JHY: variants seen among roughly 807,000 people sequenced by gnomAD.
JHY encodes the protein junctional cadherin complex regulator, also known as jhy protein homolog.
A neutral mutation model predicts 78.0 loss-of-function variants in JHY; 69 were observed. The observed-to-expected ratio is 0.88, with a 90% CI of 0.73 to 1.08. The LOEUF (loss-of-function observed/expected upper bound fraction) is 1.08, where lower values mean the gene tolerates loss of function less well. Among genes scored for constraint, JHY ranks in the 50% least tolerant of loss-of-function variants. The probability of loss-of-function intolerance (pLI) is 0.00; values close to 1 mark genes in which losing one functional copy is unlikely to be tolerated. For missense variants in JHY, 944 were observed against 927.8 expected (o/e 1.02, Z -0.23); for synonymous variants, 368 against 342.6 (o/e 1.07, Z -0.82).
chr11:122,912,148 C>T (rs147858567), intron 3 of JHY, among the ~76,000 whole-genome samples: 110 of 151,016 alleles, frequency 7.3e-4, no homozygotes, highest in African/African-American at 2.5e-3. Context: ...TTAGCTGGGC[C>T]TCGTGGTGCG....
At chr11:122,903,415 G>T (rs1406968670) in intron 2 of JHY, among the ~76,000 whole-genome samples, 1 of 151,970 alleles carries the variant, frequency 6.6e-6, no homozygotes, top group Non-Finnish European at 1.5e-5. Context: ...AAGGCCTTTC[G>T]CCCTTATGTG....
At chr11:122,915,005 G>A (rs2135325184) in intron 3 of JHY, among the ~76,000 whole-genome samples, 1 of 151,888 alleles carries the variant, frequency 6.6e-6, no homozygotes, top group African/African-American at 2.4e-5. Context: ...GATCTATAGA[G>A]TGACACTTCA....
chr11:122,951,677 T>G (rs1332394138), intron 6 of JHY, among the ~76,000 whole-genome samples: 1 of 152,194 alleles, frequency 6.6e-6, no homozygotes, highest in African/African-American at 2.4e-5. Context: ...CGGGGCACAC[T>G]GTGTCCCAAG....
intron 2 of JHY, among the ~76,000 whole-genome samples, chr11:122,903,500 A>G (rs926906766): frequency 6.6e-6 from 1 of 152,140 alleles, no homozygotes; most frequent in African/African-American, 2.4e-5. Context: ...ATTTTAAGAG[A>G]CAAGGTCTCA....
chr11:122,913,001 T>C (rs1446146899), intron 3 of JHY, among the ~76,000 whole-genome samples: 1 of 152,104 alleles, frequency 6.6e-6, no homozygotes, highest in Non-Finnish European at 1.5e-5. Flanking sequence ...TCTAACCAGC[T>C]CTCTCTTTTT....
intron 1 of JHY, among the ~76,000 whole-genome samples, chr11:122,884,543 G>A (rs764464614): frequency 9.2e-5 from 14 of 151,990 alleles, no homozygotes; most frequent in African/African-American, 1.4e-4. Flanking sequence ...CATCATGTCC[G>A]TTCGGTCCTA....
intron 6 of JHY, among the ~76,000 whole-genome samples, chr11:122,948,566 TG>T (rs1344640181): frequency 1.3e-5 from 2 of 151,540 alleles, no homozygotes; most frequent in Admixed American, 1.3e-4. Flanking sequence ...GCATGGAGCT[TG>T]GGAAGGCAGA....
At chr11:122,887,473 C>T (rs1212075878) in intron 2 of JHY, among the ~76,000 whole-genome samples, 1 of 152,134 alleles carries the variant, frequency 6.6e-6, no homozygotes, top group East Asian at 1.9e-4. Flanking sequence ...CAGGCATGTG[C>T]CACCACGCCC....
chr11:122,890,459 A>G (rs1422418410), intron 2 of JHY, among the ~76,000 whole-genome samples: 2 of 152,176 alleles, frequency 1.3e-5, no homozygotes, highest in African/African-American at 4.8e-5. Context: ...TAGGTAATAA[A>G]TGGGAGTAGT....
At position 122,934,685 on chromosome 11, in the gene JHY, T is replaced by G. The variant is rs1565328694; in HGVS notation, c.1244T>G (p.Val415Gly). The G allele has an allele frequency of 6.2e-7, 1 of 1,614,078 alleles. No individual in the cohort carries two copies. The highest frequency in any genetic ancestry group is 8.5e-7 in the Non-Finnish European group (1 of 1,180,046). ...ACTTCAACAAAGCCTGAATCGATTG[T>G]GATTATGCATGCCTCTAACAATGAT... The part of the protein sequence containing the change: ...LDTSTKPESI[V>G]IMHASNNDVQ... Residue 415 changes from valine (V) to glycine (G), a missense_variant, in exon 5 of 9, where the codon GTG becomes GGG. By Grantham distance (109) the Val-to-Gly change is moderately radical (BLOSUM62 -3). Transcript: ENST00000227349.
chr11:122,916,827 T>G (rs1028388481), intron 3 of JHY, among the ~76,000 whole-genome samples: 1 of 151,936 alleles, frequency 6.6e-6, no homozygotes, highest in Non-Finnish European at 1.5e-5. Flanking sequence ...TTAGTAGAGA[T>G]AGGGTTTCGC....
rs1862413743 is a variant in JHY at position 122,883,006 on chromosome 11, GCGGCGCGCCC to G, written c.-90+35_-90+44del. ...CGGTGGCCTCCCGGATCTGGGGTGG[GCGGCGCGCCC>G]GGGGAGGGAAACGGGAAGGGCTTAC... is the stretch of plus-strand genomic sequence containing the variant. On this transcript the variant is annotated intron_variant, in intron 1 of 8. Coordinates refer to ENST00000227349, the MANE Select transcript of JHY (RefSeq NM_024806.4). This position sits in a 1 kb window ranked among gnomAD's most constrained non-coding sequence, Gnocchi z 4.4. 1 of 152,858 alleles carries G rather than the reference GCGGCGCGCCC, an allele frequency of 6.5e-6. No homozygotes were observed. The highest frequency in any genetic ancestry group is 1.5e-5 in the Non-Finnish European group (1 of 68,046). 9.5% of individuals were successfully genotyped at this position (152,858 alleles called of 1,614,324 possible). A position where few individuals can be genotyped will look rare whatever the true frequency, so the allele number is the denominator to read the frequency against.
Position 122,960,991 on chromosome 11 carries a change from A to C in JHY, c.*1546A>C, listed in dbSNP as rs919687658. ...CAAGAGCACATGATAAATTGGGTGC[A>C]GAGCATCTCTGCACAACAGGAAAAG... On this transcript the variant is annotated 3_prime_UTR_variant, in exon 9 of 9. Coordinates refer to ENST00000227349, the MANE Select transcript of JHY (RefSeq NM_024806.4). 4 of 860,880 alleles carry C rather than the reference A, an allele frequency of 4.6e-6. No individual in the cohort carries two copies. The African/African-American group carries it at 6.6e-5, about 14-fold the overall frequency. 53.3% of individuals were successfully genotyped at this position (860,880 alleles called of 1,614,324 possible).
At chr11:122,889,884 G>A (rs906759684) in intron 2 of JHY, among the ~76,000 whole-genome samples, 30 of 151,936 alleles carry the variant, frequency 2.0e-4, no homozygotes, top group African/African-American at 1.2e-4. Flanking sequence ...TCAGCCTCCC[G>A]AGTAGCGTGC....
At chr11:122,942,832 CAT>C (rs1449493832) in intron 5 of JHY, among the ~76,000 whole-genome samples, 4 of 152,116 alleles carry the variant, frequency 2.6e-5, no homozygotes, top group South Asian at 2.1e-4. Context: ...TTGCTTCCCA[CAT>C]GTTTTAAAAT....
intron 5 of JHY, among the ~76,000 whole-genome samples, chr11:122,937,437 C>T (rs1419445099): frequency 6.6e-6 from 1 of 152,116 alleles, no homozygotes; most frequent in African/African-American, 2.4e-5. Flanking sequence ...GACACCTTTA[C>T]TTTCTTTCTC....
intron 6 of JHY, 116 bp from the exon 7 acceptor site, chr11:122,956,380 A>T: frequency 1.3e-6 from 1 of 760,500 alleles, no homozygotes; most frequent in Non-Finnish European, 2.1e-6. Context: ...GACAGTGCAC[A>T]CAGGCTTTCA....
chr11:122,916,836 G>A (rs117336140), intron 3 of JHY, among the ~76,000 whole-genome samples: 6 of 151,738 alleles, frequency 4.0e-5, no homozygotes, highest in Non-Finnish European at 5.9e-5. Context: ...ATAGGGTTTC[G>A]CCCGGCTGCT....
chr11:122,888,574 A>G (rs951094951), intron 2 of JHY, among the ~76,000 whole-genome samples: 3 of 152,046 alleles, frequency 2.0e-5, no homozygotes, highest in African/African-American at 7.2e-5. Context: ...TCTAACCTAT[A>G]GAAAATTACA....
Sources: allele counts gnomAD v4.1 joint callset (sites outside exome capture counted in the v4.1 genomes callset), GRCh38; gene constraint gnomAD v4.1.1; non-coding constraint Gnocchi (gnomAD v3.1); transcripts MANE v1.5; gene names NCBI Gene and HGNC (gene_info 2026-07-23, HGNC 2026-07-21).